GATB: variants seen among roughly 807,000 people sequenced by gnomAD.
The protein encoded by GATB is glutamyl-tRNA amidotransferase subunit B, also known as glutamyl-tRNA(Gln) amidotransferase subunit B, mitochondrial.
Under a neutral mutation model 62.3 loss-of-function variants are expected in GATB, and 39 were observed. That is an observed-to-expected ratio of 0.63 (90% confidence interval 0.48 to 0.82). The LOEUF is 0.82. Ranked by LOEUF, GATB falls within the 40% of genes least tolerant of loss-of-function variation. The pLI is 0.00. For synonymous variants in GATB, 276 were observed against 258.9 expected (o/e 1.07, Z -0.63); for missense variants, 670 against 684.0 (o/e 0.98, Z 0.23).
At chr4:151,722,009 C>T in intron 2 of GATB, 4 of 576,588 alleles carry the variant, frequency 6.9e-6, no homozygotes, top group Non-Finnish European at 6.1e-6. Context: ...TGAAGTACTT[C>T]AAGGTCAGAA....
At chr4:151,681,456 C>A (rs1183044770) in intron 10 of GATB, among the ~76,000 whole-genome samples, 1 of 151,822 alleles carries the variant, frequency 6.6e-6, no homozygotes, top group South Asian at 2.1e-4. Flanking sequence ...CTAAAAAAAC[C>A]TACCTTTACT....
At position 151,705,219 on chromosome 4, in the gene GATB, G is replaced by T; in HGVS notation, c.928C>A (p.Leu310Met). 1 of 1,613,584 alleles carries T rather than the reference G, an allele frequency of 6.2e-7. No homozygotes were observed. Among genetic ancestry groups the T allele is most frequent in the Non-Finnish European group, 8.5e-7 (1 of 1,179,606 alleles). The change falls in exon 7 of 13, where the codon CTG becomes ATG. Residue 310 changes from leucine (L) to methionine (M), a missense_variant. Transcript: ENST00000263985. ...TGATGAAATGAGCGTGTTTCGTTCA[G>T]AATTTCACCTCCATTCTCAAGTTCA... is the stretch of plus-strand genomic sequence containing the variant. The part of the protein sequence containing the change: ...INELENGGEI[L>M]NETRSFHHKL...
At chr4:151,725,114 C>A (rs894224025) in intron 2 of GATB, among the ~76,000 whole-genome samples, 2 of 152,210 alleles carry the variant, frequency 1.3e-5, no homozygotes, top group Admixed American at 6.5e-5. Context: ...GGTATTGGGG[C>A]CATCAGAGGA....
chr4:151,704,046 A>G (rs993827758), intron 7 of GATB, 151 bp from the exon 8 acceptor site: 12 of 580,132 alleles, frequency 2.1e-5, no homozygotes, highest in Non-Finnish European at 3.4e-5. Flanking sequence ...CATTCAAAAA[A>G]CAATCATAAA....
intron 9 of GATB, among the ~76,000 whole-genome samples, chr4:151,696,375 TG>T (rs1738470054): frequency 6.6e-6 from 1 of 152,232 alleles, no homozygotes. Context: ...GCTAGTGGCA[TG>T]AATGTTAACA....
intron 7 of GATB, 22 bp downstream of exon 7, chr4:151,705,163 A>C (rs1738689961): frequency 6.4e-7 from 1 of 1,567,756 alleles, no homozygotes; most frequent in South Asian, 1.1e-5. Context: ...TGTGGTCAGG[A>C]CGCTCAGCAA....
At position 151,672,992 on chromosome 4, in the gene GATB, A is replaced by G; in HGVS notation, c.1411-96T>C. The G allele has an allele frequency of 2.1e-6, 3 of 1,460,194 alleles. No individual in the cohort carries two copies. The South Asian group carries it at 3.9e-5, about 19-fold the overall frequency. 90.5% of individuals were successfully genotyped at this position (1,460,194 alleles called of 1,614,324 possible). A position where few individuals can be genotyped will look rare whatever the true frequency, so the allele number is the denominator to read the frequency against. On this transcript the variant is annotated intron_variant, in intron 11 of 12. Coordinates refer to ENST00000263985, the MANE Select transcript of GATB (RefSeq NM_004564.3). ...TGTGCTGTGTGGAGCTGGGGTGGGAATGAGCAGATTCAATTAAGTCCCCAC... is the reference window on the plus strand; with the variant it reads ...TGTGCTGTGTGGAGCTGGGGTGGGAGTGAGCAGATTCAATTAAGTCCCCAC...
chr4:151,697,981 A>ATGTGTG (rs1367801785), intron 9 of GATB, among the ~76,000 whole-genome samples: 1 of 133,010 alleles, frequency 7.5e-6, no homozygotes, highest in African/African-American at 3.0e-5. Context: ...ATATATATAT[A>ATGTGTG]TATATATATA....
chr4:151,681,505 G>C (rs1365309345), intron 10 of GATB, among the ~76,000 whole-genome samples: 2 of 152,164 alleles, frequency 1.3e-5, no homozygotes, highest in African/African-American at 4.8e-5. Flanking sequence ...TAAAAGCGTG[G>C]GTTGCCTGGA....
intron 2 of GATB, among the ~76,000 whole-genome samples, chr4:151,753,080 T>C (rs1217165756): frequency 4.6e-5 from 7 of 152,110 alleles, no homozygotes; most frequent in Non-Finnish European, 1.0e-4. Context: ...GCCACCTAAG[T>C]TCCCGCACTG....
intron 2 of GATB, among the ~76,000 whole-genome samples, chr4:151,726,490 C>T (rs113557336): frequency 1.1e-4 from 16 of 152,350 alleles, no homozygotes; most frequent in African/African-American, 3.4e-4. Context: ...TTTATATTAA[C>T]AGAACCACAT....
In GATB at chr4:151,679,693, A is replaced by G. The variant is rs935781345; in HGVS notation, c.1410+120T>C. On this transcript the variant is annotated intron_variant, in intron 11 of 12. Coordinates refer to ENST00000263985, the MANE Select transcript of GATB (RefSeq NM_004564.3). ...GTTTCTACCTTTCAGCATTAAAAAC[A>G]CCACTACTGGCATTTAATACTTCCA... is the stretch of plus-strand genomic sequence containing the variant. 1.9e-5 allele frequency: 16 copies of G among 828,046 alleles called. No homozygotes were observed. The African/African-American group carries it at 2.3e-4, about 12-fold the overall frequency. The allele number at this position is 828,046 out of a possible 1,614,324, so 51.3% of individuals were successfully genotyped here.
intron 9 of GATB, among the ~76,000 whole-genome samples, chr4:151,697,953 GTATA>G (rs56231389): frequency 2.1e-3 from 86 of 40,568 alleles, no homozygotes; most frequent in Middle Eastern, 0.014. Flanking sequence ...GTGTGTGTGT[GTATA>G]TATATATATA....
At position 151,679,305 on chromosome 4, in the gene GATB, C is replaced by T. The variant is rs753730791; in HGVS notation, c.1410+508G>A. ...GGCTGCTTAGGATGATGCTATTTTTCTGAGTTTTCACACACCGGGCATGTC... is the reference window on the plus strand; with the variant it reads ...GGCTGCTTAGGATGATGCTATTTTTTTGAGTTTTCACACACCGGGCATGTC... On this transcript the variant is annotated intron_variant, in intron 11 of 12. Transcript: ENST00000263985. Among the ~76,000 whole-genome samples the T allele has an allele frequency of 1.4e-3, 210 of 152,198 alleles. 2 individuals are homozygous for T. Among genetic ancestry groups the T allele is most frequent in the Non-Finnish European group, 2.5e-3 (173 of 68,036 alleles).
chr4:151,756,065 AGTG>A, intron 2 of GATB, among the ~76,000 whole-genome samples: 1 of 152,354 alleles, frequency 6.6e-6, no homozygotes, highest in African/African-American at 2.4e-5. Context: ...TTCAGGGCTG[AGTG>A]GCAGAACACA....
intron 2 of GATB, among the ~76,000 whole-genome samples, chr4:151,757,914 T>C (rs1723358789): frequency 6.6e-6 from 1 of 152,196 alleles, no homozygotes; most frequent in Admixed American, 6.5e-5. Flanking sequence ...ACACAGTTGA[T>C]ATTATAGGTC....
At chr4:151,757,573 C>T (rs1262123811) in intron 2 of GATB, among the ~76,000 whole-genome samples, 2 of 149,498 alleles carry the variant, frequency 1.3e-5, no homozygotes, top group African/African-American at 2.5e-5. Flanking sequence ...CCCAGGTTCA[C>T]GCCATTCTCC....
intron 2 of GATB, among the ~76,000 whole-genome samples, chr4:151,748,109 A>G (rs1739638865): frequency 6.6e-6 from 1 of 152,248 alleles, no homozygotes; most frequent in Non-Finnish European, 1.5e-5. Context: ...TATAGATTCA[A>G]TGCCATCCCC....
At chr4:151,740,614 G>A (rs767465126) in intron 2 of GATB, among the ~76,000 whole-genome samples, 11 of 152,182 alleles carry the variant, frequency 7.2e-5, no homozygotes, top group Non-Finnish European at 1.3e-4. Flanking sequence ...AGTACATGAT[G>A]TACTCATAAA....
Sources: gnomAD v4.1 joint callset for allele counts (sites outside exome capture counted in the v4.1 genomes callset) on GRCh38, gnomAD v4.1.1 for gene constraint, MANE v1.5 for transcripts, NCBI Gene and HGNC (gene_info 2026-07-23, HGNC 2026-07-21) for gene names.